STXBP3: variants seen among roughly 807,000 people sequenced by gnomAD.
STXBP3 encodes syntaxin-binding protein 3.
STXBP3 carries 41 observed loss-of-function variants against 85.7 expected under a neutral mutation model. The ratio of observed to expected loss-of-function variants is 0.48; its 90% confidence interval spans 0.37 to 0.62. STXBP3 has a LOEUF of 0.62. Ranked by LOEUF, STXBP3 falls within the 20% of genes least tolerant of loss-of-function variation. The pLI is 0.00. For missense variants in STXBP3, 563 were observed against 703.1 expected (o/e 0.80, Z 2.25); for synonymous variants, 229 against 231.7 (o/e 0.99, Z 0.10).
intron 17 of STXBP3, 72 bp downstream of exon 17, chr1:108,800,377 C>T (rs1237686927): frequency 8.4e-7 from 1 of 1,187,520 alleles, no homozygotes; most frequent in Non-Finnish European, 1.2e-6. Flanking sequence ...TACACAGATA[C>T]TCATATTTGG....
intron 6 of STXBP3, among the ~76,000 whole-genome samples, chr1:108,764,625 G>C (rs1026529479): frequency 6.6e-6 from 1 of 152,190 alleles, no homozygotes. Flanking sequence ...TTGTGGTTTT[G>C]ATTTGCATTT....
chr1:108,794,459 G>A (rs1336919574), intron 12 of STXBP3, among the ~76,000 whole-genome samples: 1 of 152,218 alleles, frequency 6.6e-6, no homozygotes, highest in African/African-American at 2.4e-5. Context: ...AGAAGTACAA[G>A]CAGGGCACAT....
chr1:108,767,094 T>G, intron 6 of STXBP3: 1 of 341,366 alleles, frequency 2.9e-6, no homozygotes, highest in South Asian at 2.5e-5. Context: ...AGGTGCTGGC[T>G]TCTCCTCCCT....
chr1:108,800,393 T>G (rs1349423542), intron 17 of STXBP3, 88 bp downstream of exon 17: 1 of 920,330 alleles, frequency 1.1e-6, no homozygotes, highest in Non-Finnish European at 1.7e-6. Flanking sequence ...TTTGGCAACT[T>G]TCTTTCAAGT....
intron 8 of STXBP3, among the ~76,000 whole-genome samples, chr1:108,778,601 A>G (rs977800404): frequency 3.3e-5 from 5 of 152,206 alleles, no homozygotes; most frequent in African/African-American, 1.2e-4. Flanking sequence ...TCACAGGATT[A>G]CTAAAAGAAT....
intron 11 of STXBP3, among the ~76,000 whole-genome samples, chr1:108,792,207 T>C (rs1385758618): frequency 6.6e-6 from 1 of 152,220 alleles, no homozygotes; most frequent in Non-Finnish European, 1.5e-5. Context: ...AAATAAATTC[T>C]AGTTCTCTGT....
At chr1:108,791,779 A>T (rs1281685984) in intron 11 of STXBP3, among the ~76,000 whole-genome samples, 1 of 151,964 alleles carries the variant, frequency 6.6e-6, no homozygotes, top group Non-Finnish European at 1.5e-5. Context: ...ACCCCCCAAA[A>T]TGTCCTCATG....
chr1:108,769,324 C>G (rs1341999203), intron 6 of STXBP3, among the ~76,000 whole-genome samples: 1 of 151,644 alleles, frequency 6.6e-6, no homozygotes, highest in Non-Finnish European at 1.5e-5. Context: ...GCAGGGGAGG[C>G]AGGCACACTC....
Position 108,782,516 on chromosome 1 carries a change from G to C in STXBP3, c.904G>C (p.Glu302Gln). Residue 302 changes from glutamate (E) to glutamine (Q), a missense_variant and splice_region_variant, in exon 10 of 19, where the codon GAG becomes CAG. Physicochemically the swap from Glu to Gln is conservative, Grantham distance 29 (BLOSUM62 2). This residue lies in a region of STXBP3 where 494 missense variants were observed against 592.8 expected (regional missense o/e 0.83). Coordinates refer to ENST00000370008, the MANE Select transcript of STXBP3 (RefSeq NM_007269.4). ...ACATCGACATATTGCGGTTGTGTTA[G>C]AGTATGTGAACTCATTTTAATTTTT... ...IRHRHIAVVL[E>Q]EIPKLMKEIS... The C allele has an allele frequency of 6.2e-7, 1 of 1,612,742 alleles. No homozygotes were observed. Among genetic ancestry groups the C allele is most frequent in the Non-Finnish European group, 8.5e-7 (1 of 1,179,524 alleles).
intron 8 of STXBP3, among the ~76,000 whole-genome samples, chr1:108,778,516 C>T (rs1662636349): frequency 6.6e-6 from 1 of 152,152 alleles, no homozygotes; most frequent in Non-Finnish European, 1.5e-5. Context: ...CTCTTACTAC[C>T]TGTGTGATTT....
intron 6 of STXBP3, among the ~76,000 whole-genome samples, chr1:108,764,448 T>G (rs1662214101): frequency 6.6e-6 from 1 of 152,188 alleles, no homozygotes; most frequent in African/African-American, 2.4e-5. Context: ...TAGTTCTGTT[T>G]TTTAGGTCTT....
chr1:108,790,689 A>T (rs553589592), intron 11 of STXBP3, among the ~76,000 whole-genome samples: 73 of 152,092 alleles, frequency 4.8e-4, no homozygotes, highest in African/African-American at 1.8e-3. Context: ...CATCTCCAAT[A>T]TAAACATTTG....
In STXBP3 at chr1:108,767,736, A is replaced by G. The variant is rs78841048; in HGVS notation, c.439-4929A>G. Among the ~76,000 whole-genome samples the G allele has an allele frequency of 2.8e-3, 426 of 152,124 alleles. 1 individual carries two copies. Among genetic ancestry groups the G allele is most frequent in the African/African-American group, 9.8e-3 (406 of 41,516 alleles). The stretch of plus-strand genomic sequence containing the variant: ...GTAGCTGGGACCACAGATGCATGCC[A>G]GCACGCCCAGCTAATTTTTTCTTCA... On this transcript the variant is annotated intron_variant, in intron 6 of 18. Transcript: ENST00000370008.
At chr1:108,780,057 T>G (rs1285986943) in intron 9 of STXBP3, 1 of 152,198 alleles carries the variant, frequency 6.6e-6, no homozygotes, top group African/African-American at 2.4e-5. Flanking sequence ...TTTGATGTCA[T>G]GATTTCTGAA....
chr1:108,799,310 T>C (rs530304748), intron 16 of STXBP3, among the ~76,000 whole-genome samples: 2 of 152,234 alleles, frequency 1.3e-5, no homozygotes, highest in East Asian at 1.9e-4. Flanking sequence ...AGGGATGATA[T>C]AGAACTAAGT....
Position 108,796,271 on chromosome 1 carries a change from T to G in STXBP3, c.1148T>G (p.Val383Gly). 6.2e-7 allele frequency: 1 copy of G among 1,613,762 alleles called. No homozygotes were observed. Among genetic ancestry groups the G allele is most frequent in the South Asian group, 1.1e-5 (1 of 90,970 alleles). Residue 383 changes from valine to glycine, a missense_variant, in exon 14 of 19, where the codon GTG (valine) becomes GGG (glycine). By Grantham distance (109) the Val-to-Gly change is moderately radical. Transcript: ENST00000370008. ...GGAACTGATGCAGAAGGACAGAAGGTGAAAGATTCCATGCGAGTACTCCTT... is the reference window on the plus strand; with the variant it reads ...GGAACTGATGCAGAAGGACAGAAGGGGAAAGATTCCATGCGAGTACTCCTT... ...ALGTDAEGQKVKDSMRVLLPV... is the reference protein window; with the variant it reads ...ALGTDAEGQKGKDSMRVLLPV...
chr1:108,789,630 GTGTTA>G (rs1662934732), intron 11 of STXBP3, among the ~76,000 whole-genome samples: 1 of 152,140 alleles, frequency 6.6e-6, no homozygotes, highest in Non-Finnish European at 1.5e-5. Context: ...TTTGACCCAT[GTGTTA>G]TATAGGGAAT....
intron 3 of STXBP3, 160 bp downstream of exon 3, chr1:108,753,304 A>G (rs922659933): frequency 3.9e-5 from 17 of 441,548 alleles, no homozygotes; most frequent in Non-Finnish European, 7.5e-6. Context: ...ATCTTCTGTC[A>G]GTTTTTTTCC....
rs182790309 is a variant in STXBP3, at chr1:108,770,102, C to A, written c.439-2563C>A. Among the ~76,000 whole-genome samples, 4 of 152,068 alleles carry A rather than the reference C, an allele frequency of 2.6e-5. No individual in the cohort carries two copies. The East Asian group carries it at 7.7e-4, about 29-fold the overall frequency. On this transcript the variant is annotated intron_variant, in intron 6 of 18. Transcript: ENST00000370008. ...CCCAGGAGTACTAGACCAGCCTGGG[C>A]AACAAAGTGAGACCTTGTCTCTACA...
Sources: gnomAD v4.1 joint callset for allele counts (sites outside exome capture counted in the v4.1 genomes callset) on GRCh38, gnomAD v4.1.1 for gene constraint, gnomAD v4.1.1 regional missense constraint, MANE v1.5 for transcripts, NCBI Gene and HGNC (gene_info 2026-07-23, HGNC 2026-07-21) for gene names.